Variants in MRGPRX3 observed in about 807,000 individuals in gnomAD.
MRGPRX3 encodes the protein MAS related GPR family member X3.
A neutral mutation model predicts 16.5 loss-of-function variants in MRGPRX3; 14 were observed. The observed-to-expected ratio is 0.85, with a 90% CI of 0.56 to 1.33. The LOEUF (loss-of-function observed/expected upper bound fraction) is 1.33. Among genes scored for constraint, MRGPRX3 ranks in the 40% most tolerant of loss-of-function variants. MRGPRX3 has a pLI of 0.00. For missense variants in MRGPRX3, 449 were observed against 413.0 expected (o/e 1.09, Z -0.76); for synonymous variants, 199 against 180.1 (o/e 1.10, Z -0.84).
At chr11:18,126,602 A>G (rs1486877174) in intron 1 of MRGPRX3, among the ~76,000 whole-genome samples, 2 of 152,180 alleles carry the variant, frequency 1.3e-5, no homozygotes, top group East Asian at 1.9e-4. Flanking sequence ...TTAACTCGTC[A>G]TTTAGCATTA....
At chr11:18,131,254 C>T (rs908489727), upstream of MRGPRX3, among the ~76,000 whole-genome samples, 1 of 152,002 alleles carries the variant, frequency 6.6e-6, no homozygotes, top group Non-Finnish European at 1.5e-5. Flanking sequence ...GACAACCCAC[C>T]GAGTGAGAGA....
chr11:18,121,325 G>A (rs1338231126), intron 1 of MRGPRX3, among the ~76,000 whole-genome samples: 2 of 151,950 alleles, frequency 1.3e-5, no homozygotes, highest in Non-Finnish European at 2.9e-5. Flanking sequence ...CCGGGAGGGA[G>A]GTGGGGGTCA....
At chr11:18,130,846 A>C (rs1162509316), upstream of MRGPRX3, among the ~76,000 whole-genome samples, 6 of 152,198 alleles carry the variant, frequency 3.9e-5, no homozygotes, top group Admixed American at 3.9e-4. Context: ...ACATAGACCA[A>C]TGGAAAAGAA....
At chr11:18,121,327 T>TGGG (rs1848833039) in intron 1 of MRGPRX3, among the ~76,000 whole-genome samples, 1 of 147,376 alleles carries the variant, frequency 6.8e-6, no homozygotes, top group South Asian at 2.2e-4. Flanking sequence ...GGGAGGGAGG[T>TGGG]GGGGGTCAGC....
intron 1 of MRGPRX3, among the ~76,000 whole-genome samples, chr11:18,126,021 T>C (rs1848891498): frequency 1.3e-5 from 2 of 152,170 alleles, no homozygotes; most frequent in Non-Finnish European, 2.9e-5. Context: ...CCCTGCTTTT[T>C]TTGTTTTCTT....
chr11:18,135,007 G>T (rs544134078), intron 1 of MRGPRX3, among the ~76,000 whole-genome samples: 1 of 152,316 alleles, frequency 6.6e-6, no homozygotes, highest in African/African-American at 2.4e-5. Flanking sequence ...CTCACATCAA[G>T]ATTTTTCAGG....
rs1322782318 is a variant in MRGPRX3 at position 18,137,461 on chromosome 11, C to CTCATCAAT, written c.260_267dup (p.Ile90SerfsTer15). 6.2e-7 allele frequency: 1 copy of CTCATCAAT among 1,614,192 alleles called. No individual in the cohort carries two copies. Among genetic ancestry groups the CTCATCAAT allele is most frequent in the East Asian group, 2.2e-5 (1 of 44,876 alleles). On this transcript the variant is annotated frameshift_variant, in exon 2 of 2. Coordinates refer to ENST00000621697, the MANE Select transcript of MRGPRX3 (RefSeq NM_001370464.1). LOFTEE classifies it high-confidence loss of function. ...CCACATTATATGTTCGCCGTTACGC[C>CTCATCAAT]TCATCAATATCCGCCATCCCATCTC...
intron 1 of MRGPRX3, among the ~76,000 whole-genome samples, chr11:18,124,428 T>C (rs1294966453): frequency 6.6e-6 from 1 of 152,234 alleles, no homozygotes; most frequent in African/African-American, 2.4e-5. Context: ...AGGCCTTTTC[T>C]GCATCTATTG....
At chr11:18,131,918 G>C (rs1272348213), upstream of MRGPRX3, among the ~76,000 whole-genome samples, 1 of 152,108 alleles carries the variant, frequency 6.6e-6, no homozygotes, top group Non-Finnish European at 1.5e-5. Flanking sequence ...AAGGATGGAA[G>C]AGAGGCGAGG....
chr11:18,133,184 T>A (rs1848978506), intron 1 of MRGPRX3, among the ~76,000 whole-genome samples: 1 of 152,214 alleles, frequency 6.6e-6, no homozygotes, highest in Admixed American at 6.5e-5. Context: ...ATGAGGAAAG[T>A]ATTTACAAAG....
chr11:18,122,511 A>G (rs1469989556), intron 1 of MRGPRX3, among the ~76,000 whole-genome samples: 1 of 152,256 alleles, frequency 6.6e-6, no homozygotes, highest in African/African-American at 2.4e-5. Context: ...TGCAAAGGAC[A>G]TGAACTCATC....
rs200257865 is a variant in MRGPRX3, at chr11:18,137,297, G to T, written c.95G>T (p.Gly32Val). The stretch of plus-strand genomic sequence containing the variant: ...TACAAGCAGACCCTGAGCTTCACGG[G>T]GCTGACGTGCATCGTTTCCCTTGTC... ...PCYKQTLSFT[G>V]LTCIVSLVAL... Residue 32 changes from glycine (G) to valine (V), a missense_variant, in exon 2 of 2, where the codon GGG becomes GTG. Gly to Val is a moderately radical substitution (Grantham distance 109). Transcript: ENST00000621697. 128 of 1,614,010 alleles carry T rather than the reference G, an allele frequency of 7.9e-5. No homozygotes were observed. The highest frequency in any genetic ancestry group is 3.3e-4 in the Middle Eastern group (2 of 6,084).
intron 1 of MRGPRX3, among the ~76,000 whole-genome samples, chr11:18,122,381 C>T (rs546798256): frequency 6.6e-5 from 10 of 152,266 alleles, no homozygotes; most frequent in African/African-American, 2.2e-4. Flanking sequence ...TGTTCCCTGC[C>T]CTGTGTCCAA....
rs1397940014 is a variant in MRGPRX3, at chr11:18,137,919, T to C, written c.717T>C (p.Phe239=). The C allele has an allele frequency of 6.8e-6, 11 of 1,614,212 alleles. No homozygotes were observed. The highest frequency in any genetic ancestry group is 9.3e-6 in the Non-Finnish European group (11 of 1,180,036). The change falls in exon 2 of 2, where the codon TTT becomes TTC. Residue 239 remains phenylalanine (F), a synonymous_variant. Transcript: ENST00000621697. ...GLPFGIQWAL[F]SRIHLDWKVL... ...CCTTTGGCATTCAGTGGGCCCTGTT[T>C]TCCAGGATCCACCTGGATTGGAAAG...
intron 1 of MRGPRX3, among the ~76,000 whole-genome samples, chr11:18,126,977 C>G (rs1171950174): frequency 1.3e-5 from 2 of 152,172 alleles, no homozygotes; most frequent in African/African-American, 4.8e-5. Context: ...TTTATAGCAG[C>G]GTGATTTATA....
upstream of MRGPRX3, among the ~76,000 whole-genome samples, chr11:18,129,459 AAC>A (rs1319998778): frequency 8.5e-5 from 13 of 152,218 alleles, no homozygotes; most frequent in African/African-American, 3.1e-4. Context: ...AATTCCTGGA[AAC>A]ACACAAACCT....
At chr11:18,122,454 T>C (rs1281734825) in intron 1 of MRGPRX3, among the ~76,000 whole-genome samples, 1 of 152,338 alleles carries the variant, frequency 6.6e-6, no homozygotes, top group South Asian at 2.1e-4. Flanking sequence ...TTTCTGTCCT[T>C]GTGATACTTT....
At chr11:18,134,006 T>G (rs1444118723) in intron 1 of MRGPRX3, among the ~76,000 whole-genome samples, 1 of 152,222 alleles carries the variant, frequency 6.6e-6, no homozygotes, top group Non-Finnish European at 1.5e-5. Context: ...TAAATGAGAC[T>G]ATCCCTCTCA....
At position 18,137,584 on chromosome 11, in the gene MRGPRX3, A is replaced by G. The variant is rs777420799; in HGVS notation, c.382A>G (p.Ile128Val). 4 of 1,614,128 alleles carry G rather than the reference A, an allele frequency of 2.5e-6. No individual in the cohort carries two copies. Among genetic ancestry groups the G allele is most frequent in the Admixed American group, 1.7e-5 (1 of 60,008 alleles). Residue 128 changes from isoleucine (I) to valine (V), a missense_variant, in exon 2 of 2, where the codon ATC (isoleucine) becomes GTC (valine). Transcript: ENST00000621697. ...GCGCTGCCTGTCCATCCTGTGGCCC[A>G]TCTGGTACCACTGCCGCCGCCCCAG... is the stretch of plus-strand genomic sequence containing the variant. ...TERCLSILWP[I>V]WYHCRRPRYL...
Sources: gnomAD v4.1 joint callset for allele counts (sites outside exome capture counted in the v4.1 genomes callset) on GRCh38, gnomAD v4.1.1 for gene constraint, MANE v1.5 for transcripts, NCBI Gene and HGNC (gene_info 2026-07-23, HGNC 2026-07-21) for gene names.